The following BANP variants were observed in gnomAD, a reference collection of about 807,000 sequenced individuals.
BANP encodes protein BANP.
BANP carries 11 observed loss-of-function variants against 68.1 expected under a neutral mutation model. The ratio of observed to expected loss-of-function variants is 0.16; its 90% CI spans 0.10 to 0.27. BANP has a LOEUF of 0.27. Ranked by LOEUF, BANP falls within the 10% of genes least tolerant of loss-of-function variation. The pLI, the probability that BANP is intolerant of heterozygous loss-of-function variation, is 1.00. For missense variants in BANP, 504 were observed against 722.7 expected, an observed-to-expected ratio of 0.70 and a Z score of 3.47; for synonymous variants, 329 against 303.2, an observed-to-expected ratio of 1.09 and a Z score of -0.88.
intron 7 of BANP, among the ~76,000 whole-genome samples, chr16:88,022,568 G>A (rs1015393249): frequency 2.6e-5 from 4 of 152,232 alleles, no homozygotes; most frequent in African/African-American, 9.6e-5. Flanking sequence ...TGTGAGTGCA[G>A]GTGTGCGACC....
chr16:87,973,941 C>G (rs2061583158), intron 1 of BANP, among the ~76,000 whole-genome samples: 2 of 152,074 alleles, frequency 1.3e-5, no homozygotes, highest in Non-Finnish European at 2.9e-5. Flanking sequence ...TGTGAATAGA[C>G]TCAAGAGTTG....
Position 88,071,995 on chromosome 16 carries a change from T to C in BANP, c.1378-74T>C. ...CACGTGTGGGCTGGGGTCTGCGGTC[T>C]GTGGAGCCATGTGGGTTGTGGGTTG... On this transcript the variant is annotated intron_variant, in intron 12 of 13. Transcript: ENST00000682872. This position sits in a 1 kb window ranked among gnomAD's most constrained non-coding sequence, Gnocchi z 6.5. 1.3e-6 allele frequency: 2 copies of C among 1,530,112 alleles called. No homozygotes were observed. Among genetic ancestry groups the C allele is most frequent in the Admixed American group, 2.0e-5 (1 of 50,666 alleles). The allele number at this position is 1,530,112 out of a possible 1,614,324, so 94.8% of individuals were successfully genotyped here. A position where few individuals can be genotyped will look rare whatever the true frequency, so the allele number is the denominator to read the frequency against.
intron 9 of BANP, among the ~76,000 whole-genome samples, chr16:88,033,884 G>T (rs1168409777): frequency 2.6e-5 from 4 of 152,014 alleles, no homozygotes; most frequent in Non-Finnish European, 5.9e-5. Flanking sequence ...TGTGGCATGA[G>T]AGTAGGGCGT....
intron 11 of BANP, among the ~76,000 whole-genome samples, chr16:88,042,515 C>G (rs957132090): frequency 6.6e-6 from 1 of 152,210 alleles, no homozygotes; most frequent in African/African-American, 2.4e-5. Context: ...TCTTTTTGAC[C>G]TCTAGGTGCA....
chr16:87,962,966 C>T (rs1567590843), intron 1 of BANP, among the ~76,000 whole-genome samples: 1 of 152,314 alleles, frequency 6.6e-6, no homozygotes, highest in South Asian at 2.1e-4. Flanking sequence ...CCTTTCTAGA[C>T]TTACATCCCG....
chr16:87,971,421 A>G (rs995937433), intron 1 of BANP, among the ~76,000 whole-genome samples: 1 of 152,174 alleles, frequency 6.6e-6, no homozygotes, highest in African/African-American at 2.4e-5. Flanking sequence ...TGCTGCCTTT[A>G]TACTTGAAAG....
At chr16:87,956,597 G>A (rs1343511660) in intron 1 of BANP, 1 of 152,260 alleles carries the variant, frequency 6.6e-6, no homozygotes, top group Non-Finnish European at 1.5e-5. Context: ...TTCAGCCCCT[G>A]CAGGAGAAGA....
chr16:88,051,184 G>T (rs2083182445), intron 11 of BANP, among the ~76,000 whole-genome samples: 1 of 152,224 alleles, frequency 6.6e-6, no homozygotes, highest in African/African-American at 2.4e-5. Context: ...CAGGATGGGG[G>T]CTCCCCAGTG....
intron 13 of BANP, 63 bp downstream of exon 13, chr16:88,072,275 G>C: frequency 1.3e-6 from 2 of 1,537,518 alleles, no homozygotes; most frequent in South Asian, 2.5e-5. Flanking sequence ...CGCTGCCACC[G>C]GGCACACGTG....
At chr16:88,022,403 A>G (rs1257365240) in intron 7 of BANP, among the ~76,000 whole-genome samples, 1 of 152,202 alleles carries the variant, frequency 6.6e-6, no homozygotes, top group East Asian at 1.9e-4. Flanking sequence ...CCTAGCAGTT[A>G]CGGAAAGACT....
At chr16:88,019,053 G>A (rs1241082646) in intron 7 of BANP, among the ~76,000 whole-genome samples, 1 of 152,164 alleles carries the variant, frequency 6.6e-6, no homozygotes, top group African/African-American at 2.4e-5. Context: ...TCCTAAGCGG[G>A]TGGAGTGCCA....
rs766352184 is a variant in BANP, at chr16:88,018,444, C to T, written c.672C>T (p.Gly224=). 7.3e-5 allele frequency: 117 copies of T among 1,612,362 alleles called. No homozygotes were observed. The highest frequency in any genetic ancestry group is 8.2e-5 in the Non-Finnish European group (97 of 1,179,564). Residue 224 remains glycine, a synonymous_variant, in exon 7 of 14, where the codon GGC becomes GGT. Transcript: ENST00000682872. This position sits in a 1 kb window ranked among gnomAD's most constrained non-coding sequence, Gnocchi z 7.7. The stretch of plus-strand genomic sequence containing the variant: ...GTTTTTCAGAGGACTACCCCAATGG[C>T]ACCTGGCTGGGCGACGAGAACAACC... ...TLNSEEDYPN[G]TWLGDENNPE... is the part of the protein sequence containing the mutation.
chr16:88,057,891 G>C lies in BANP; in HGVS notation c.1312-7376G>C, dbSNP rs913662391. ...GAGCACTTTCCGGACAGTGCGGTGC[G>C]GGGCAGCGAGTGGCCGCCTGTGTTC... On this transcript the variant is annotated intron_variant, in intron 11 of 13. Coordinates refer to ENST00000682872, the MANE Select transcript of BANP (RefSeq NM_001386991.1). This position sits in a 1 kb window ranked among gnomAD's most constrained non-coding sequence, Gnocchi z 4.6. Among the ~76,000 whole-genome samples the C allele has an allele frequency of 6.6e-6, 1 of 152,148 alleles. No individual in the cohort carries two copies. The highest frequency in any genetic ancestry group is 2.4e-5 in the African/African-American group (1 of 41,412).
intron 5 of BANP, 78 bp from the exon 6 acceptor site, chr16:88,006,012 G>C: frequency 6.3e-7 from 1 of 1,586,514 alleles, no homozygotes; most frequent in Non-Finnish European, 8.6e-7. Context: ...TAGATTTTGC[G>C]ATAAGGAAAG....
intron 4 of BANP, among the ~76,000 whole-genome samples, chr16:87,990,549 A>C (rs1324332267): frequency 2.6e-5 from 4 of 152,228 alleles, no homozygotes; most frequent in Admixed American, 6.5e-5. Context: ...ATTCTCAGTC[A>C]AAATTATAGC....
rs2090190600 is a variant in BANP at position 88,071,118 on chromosome 16, G to T, written c.1378-951G>T. 1.1e-5 allele frequency: 3 copies of T among 281,708 alleles called. No homozygotes were observed. The highest frequency in any genetic ancestry group is 1.0e-4 in the South Asian group (3 of 29,564). The allele number at this position is 281,708 out of a possible 1,614,324, so 17.5% of individuals were successfully genotyped here. A position where few individuals can be genotyped will look rare whatever the true frequency, so the allele number is the denominator to read the frequency against. On this transcript the variant is annotated intron_variant, in intron 12 of 13. Transcript: ENST00000682872. This position sits in a 1 kb window ranked among gnomAD's most constrained non-coding sequence, Gnocchi z 6.5. Reference sequence around the variant, plus strand: ...ATGCTGCGGCCAGGCTCCGTGGGGTGGGGCACCCTGCGACGGGCTGCTCCT... The same window carrying T: ...ATGCTGCGGCCAGGCTCCGTGGGGTTGGGCACCCTGCGACGGGCTGCTCCT...
rs2091714827 is a variant in BANP at position 88,076,966 on chromosome 16, GC to G, written c.*306del. 5.9e-6 allele frequency: 2 copies of G among 339,050 alleles called. No homozygotes were observed. The highest frequency in any genetic ancestry group is 1.1e-5 in the Non-Finnish European group (2 of 185,432). The allele number at this position is 339,050 out of a possible 1,614,324, so 21.0% of individuals were successfully genotyped here. A position where few individuals can be genotyped will look rare whatever the true frequency, so the allele number is the denominator to read the frequency against. On this transcript the variant is annotated 3_prime_UTR_variant, in exon 14 of 14. Coordinates refer to ENST00000682872, the MANE Select transcript of BANP (RefSeq NM_001386991.1). ...ACTATGATATTTTTCTGTTTAAACA[GC>G]TTTTTTTAATTTGCTATGGTGTTTA...
rs1045375655 is a variant in BANP, at chr16:87,957,685, G to A, written c.-69+6170G>A. 6.6e-6 allele frequency among the ~76,000 whole-genome samples: 1 copy of A among 152,262 alleles called. No homozygotes were observed. The highest frequency in any genetic ancestry group is 2.1e-4 in the South Asian group (1 of 4,834). On this transcript the variant is annotated intron_variant, in intron 1 of 13. Transcript: ENST00000682872. This position sits in a 1 kb window ranked among gnomAD's most constrained non-coding sequence, Gnocchi z 4.3. ...TTAATCTTTCTGAAAGTAGAAACGC[G>A]TTTGGATGGAGCCGGGAGGGAGAAC...
intron 6 of BANP, among the ~76,000 whole-genome samples, chr16:88,017,688 C>A (rs1237385694): frequency 3.3e-5 from 5 of 152,168 alleles, no homozygotes; most frequent in African/African-American, 9.7e-5. Flanking sequence ...CCCACTCCAT[C>A]GTCACAGGAG....
Sources: allele counts gnomAD v4.1 joint callset (sites outside exome capture counted in the v4.1 genomes callset), GRCh38; gene constraint gnomAD v4.1.1; non-coding constraint Gnocchi (gnomAD v3.1); transcripts MANE v1.5; gene names NCBI Gene and HGNC (gene_info 2026-07-23, HGNC 2026-07-21).